The following PTPRD variants were observed in gnomAD, a reference collection of about 807,000 sequenced individuals.
PTPRD encodes receptor-type tyrosine-protein phosphatase delta.
Under a neutral mutation model 214.5 loss-of-function variants are expected in PTPRD, and 34 were observed. The observed-to-expected ratio is 0.16, with a 90% confidence interval of 0.12 to 0.21. The LOEUF (loss-of-function observed/expected upper bound fraction) is 0.21, where lower values mean the gene tolerates loss of function less well. Among genes scored for constraint, PTPRD ranks in the 10% least tolerant of loss-of-function variants. The pLI is 1.00. For missense variants in PTPRD, 2,545 were observed against 2,398.7 expected (o/e 1.06, Z -1.27); for synonymous variants, 1,128 against 845.7 (o/e 1.33, Z -5.79).
chr9:9,696,893 G>T (rs1028837978), intron 7 of PTPRD, among the ~76,000 whole-genome samples: 9 of 151,920 alleles, frequency 5.9e-5, no homozygotes, highest in Non-Finnish European at 2.9e-5. Flanking sequence ...TTCTTCCTTT[G>T]TGGTTAAGTG....
chr9:10,244,296 G>A (rs1251183142), intron 3 of PTPRD, among the ~76,000 whole-genome samples: 4 of 151,978 alleles, frequency 2.6e-5, no homozygotes. Context: ...TCATTAAATT[G>A]TAATCTCCCC....
At chr9:9,990,391 G>C (rs958806725) in intron 4 of PTPRD, among the ~76,000 whole-genome samples, 9 of 152,206 alleles carry the variant, frequency 5.9e-5, no homozygotes, top group Non-Finnish European at 1.0e-4. Context: ...TGTGATTTCT[G>C]TTTATGGAGG....
chr9:8,466,654 T>C (rs1054788247), intron 31 of PTPRD, among the ~76,000 whole-genome samples: 4 of 151,916 alleles, frequency 2.6e-5, no homozygotes, highest in African/African-American at 7.2e-5. Flanking sequence ...TAAGCAGCAG[T>C]CTTTTCGCCA....
intron 9 of PTPRD, among the ~76,000 whole-genome samples, chr9:9,388,382 C>T (rs1328811708): frequency 6.6e-6 from 1 of 152,176 alleles, no homozygotes. Flanking sequence ...CACTTCCCTT[C>T]CCCTCTTCTG....
chr9:10,249,779 A>C lies in PTPRD; in HGVS notation c.-545+91184T>G, dbSNP rs541324946. Among the ~76,000 whole-genome samples the C allele has an allele frequency of 2.3e-3, 343 of 152,316 alleles. 2 individuals carry two copies. The highest frequency in any genetic ancestry group is 7.9e-3 in the African/African-American group (330 of 41,588). ...TGCATTTTAAGGTCTGGTAACAAAT[A>C]TCATACAGAGCTACCTATGAATTCA... On this transcript the variant is annotated intron_variant, in intron 3 of 45. Coordinates refer to ENST00000381196, the MANE Select transcript of PTPRD (RefSeq NM_002839.4).
At chr9:9,618,654 T>C (rs1286680798) in intron 7 of PTPRD, among the ~76,000 whole-genome samples, 2 of 152,208 alleles carry the variant, frequency 1.3e-5, no homozygotes, top group Admixed American at 6.5e-5. Context: ...TAATACATTA[T>C]CTTTGGGATG....
chr9:10,444,556 A>G (rs1437114591), intron 2 of PTPRD, among the ~76,000 whole-genome samples: 1 of 151,884 alleles, frequency 6.6e-6, no homozygotes, highest in Non-Finnish European at 1.5e-5. Flanking sequence ...TGGGATCTAC[A>G]GAATGAATAT....
At chr9:8,420,947 TTGA>T (rs2094319516) in intron 35 of PTPRD, among the ~76,000 whole-genome samples, 1 of 152,024 alleles carries the variant, frequency 6.6e-6, no homozygotes, top group Non-Finnish European at 1.5e-5. Context: ...GTCAGGGAGC[TTGA>T]TGTCCTGCAC....
chr9:10,279,237 G>A (rs1006193500), intron 3 of PTPRD, among the ~76,000 whole-genome samples: 3 of 151,820 alleles, frequency 2.0e-5, no homozygotes, highest in African/African-American at 7.3e-5. Context: ...TCCACATATA[G>A]CAGAGCTTAA....
At chr9:8,584,274 A>T (rs1410177148) in intron 14 of PTPRD, among the ~76,000 whole-genome samples, 2 of 152,194 alleles carry the variant, frequency 1.3e-5, no homozygotes, top group Non-Finnish European at 2.9e-5. Context: ...CCATTTCTGC[A>T]GTCATCAATG....
intron 31 of PTPRD, 94 bp from the exon 32 acceptor site, chr9:8,465,769 C>T: frequency 2.8e-6 from 3 of 1,057,814 alleles, no homozygotes; most frequent in Non-Finnish European, 4.1e-6. Flanking sequence ...GAACTGGGAA[C>T]AACCCAAATG....
At chr9:8,606,276 C>T (rs541461910) in intron 14 of PTPRD, among the ~76,000 whole-genome samples, 2 of 152,234 alleles carry the variant, frequency 1.3e-5, no homozygotes, top group African/African-American at 4.8e-5. Flanking sequence ...AGCCAATAGG[C>T]ATGATTCTAC....
intron 11 of PTPRD, among the ~76,000 whole-genome samples, chr9:8,781,431 G>A (rs950332520): frequency 6.6e-6 from 1 of 152,176 alleles, no homozygotes; most frequent in Non-Finnish European, 1.5e-5. Flanking sequence ...GAAAGACACA[G>A]TCAGGAGACC....
intron 21 of PTPRD, among the ~76,000 whole-genome samples, chr9:8,507,676 A>T (rs2097569614): frequency 6.6e-6 from 1 of 152,224 alleles, no homozygotes; most frequent in Non-Finnish European, 1.5e-5. Flanking sequence ...ATAAGTATAA[A>T]GTATATCGGC....
At chr9:9,592,452 T>C (rs2092828381) in intron 7 of PTPRD, among the ~76,000 whole-genome samples, 1 of 152,090 alleles carries the variant, frequency 6.6e-6, no homozygotes, top group Non-Finnish European at 1.5e-5. Context: ...ACTCCCAGTC[T>C]GTCCAGTGTG....
At chr9:10,381,487 G>A (rs1297007514) in intron 2 of PTPRD, among the ~76,000 whole-genome samples, 1 of 151,960 alleles carries the variant, frequency 6.6e-6, no homozygotes, top group Admixed American at 6.6e-5. Flanking sequence ...GATTTTCAGA[G>A]ATCTTTAAGC....
intron 4 of PTPRD, among the ~76,000 whole-genome samples, chr9:10,023,421 C>A (rs79454841): frequency 6.6e-6 from 1 of 152,096 alleles, no homozygotes; most frequent in Non-Finnish European, 1.5e-5. Flanking sequence ...TTTGTGAAAA[C>A]AAAATTCAAT....
At chr9:10,336,303 T>A (rs1434328785) in intron 3 of PTPRD, among the ~76,000 whole-genome samples, 1 of 151,598 alleles carries the variant, frequency 6.6e-6, no homozygotes, top group Admixed American at 6.6e-5. Flanking sequence ...AGGCTGAATC[T>A]CAGAATTTGG....
At chr9:8,965,821 C>A (rs889240847) in intron 11 of PTPRD, among the ~76,000 whole-genome samples, 2 of 152,012 alleles carry the variant, frequency 1.3e-5, no homozygotes, top group Non-Finnish European at 2.9e-5. Context: ...TAAAAGGCAT[C>A]CAAATAGGAA....
Sources: allele counts gnomAD v4.1 joint callset (sites outside exome capture counted in the v4.1 genomes callset), GRCh38; gene constraint gnomAD v4.1.1; transcripts MANE v1.5; gene names NCBI Gene and HGNC (gene_info 2026-07-23, HGNC 2026-07-21).